Variants in AGAP1 observed in about 807,000 individuals in gnomAD.
AGAP1 encodes the protein ArfGAP with GTPase domain, ankyrin repeat and PH domain 1.
Under a neutral mutation model 105.3 loss-of-function variants are expected in AGAP1, and 29 were observed. The observed-to-expected ratio is 0.28, with a 90% CI of 0.21 to 0.38. AGAP1 has a LOEUF of 0.38. Ranked by LOEUF, AGAP1 falls within the 10% of genes least tolerant of loss-of-function variation. AGAP1 has a pLI of 1.00. For synonymous variants in AGAP1, 509 were observed against 485.9 expected (o/e 1.05, Z -0.63); for missense variants, 998 against 1,165.1 (o/e 0.86, Z 2.09).
chr2:235,740,694 A>T lies in AGAP1; in HGVS notation c.311-269A>T, dbSNP rs1355039213. On this transcript the variant is annotated intron_variant, in intron 3 of 17. Transcript: ENST00000304032. This position sits in a 1 kb window ranked among gnomAD's most constrained non-coding sequence, Gnocchi z 5.7. ...TGAATTTACATAGAAAGCCCACATGAGAAGTCCACACTAATTGGCCACGAG... is the reference window on the plus strand; with the variant it reads ...TGAATTTACATAGAAAGCCCACATGTGAAGTCCACACTAATTGGCCACGAG... Among the ~76,000 whole-genome samples, 1 of 152,266 alleles carries T rather than the reference A, an allele frequency of 6.6e-6. No homozygotes were observed. The highest frequency in any genetic ancestry group is 1.5e-5 in the Non-Finnish European group (1 of 68,054).
chr2:236,059,429 A>AGCTGCC (rs147061209), intron 16 of AGAP1, among the ~76,000 whole-genome samples: 2,154 of 152,314 alleles, frequency 0.014, 54 homozygotes, highest in African/African-American at 0.048. Context: ...TCAGAATCTC[A>AGCTGCC]GCTGCCTGTT....
At chr2:235,717,486 C>A in intron 2 of AGAP1, 71 bp from the exon 3 acceptor site, 1 of 1,321,012 alleles carries the variant, frequency 7.6e-7, no homozygotes, top group Non-Finnish European at 1.0e-6. Flanking sequence ...TCTATTTTAG[C>A]CTCTTAGTAT....
intron 1 of AGAP1, among the ~76,000 whole-genome samples, chr2:235,567,770 G>C: frequency 6.6e-6 from 1 of 151,818 alleles, no homozygotes; most frequent in Non-Finnish European, 1.5e-5. Flanking sequence ...ATTGTCCACT[G>C]TGGGGGGCGG....
At chr2:235,640,556 C>T (rs1947156148) in intron 1 of AGAP1, among the ~76,000 whole-genome samples, 1 of 152,202 alleles carries the variant, frequency 6.6e-6, no homozygotes, top group African/African-American at 2.4e-5. Flanking sequence ...TGGTTGTTTA[C>T]TGACTGTTCT....
In AGAP1 at chr2:235,931,145, G is replaced by GCTCTAA. The variant is rs2052702015; in HGVS notation, c.1483+222_1483+223insCTCTAA. Among the ~76,000 whole-genome samples the GCTCTAA allele has an allele frequency of 6.6e-6, 1 of 152,190 alleles. No homozygotes were observed. The highest frequency in any genetic ancestry group is 1.5e-5 in the Non-Finnish European group (1 of 68,036). ...ATCTCATCTGTTCCTCTTTGGCACAGGGAGGAGGTAGTCATCCCATTTGGT... is the reference window on the plus strand; with the variant it reads ...ATCTCATCTGTTCCTCTTTGGCACAGCTCTAAGGAGGAGGTAGTCATCCCATTTGGT... On this transcript the variant is annotated intron_variant, in intron 12 of 17. Transcript: ENST00000304032. The surrounding 1 kb of genome is among the most constrained non-coding windows in gnomAD (Gnocchi z 5.6).
chr2:235,890,675 C>T (rs181624759), intron 10 of AGAP1, among the ~76,000 whole-genome samples: 2 of 152,304 alleles, frequency 1.3e-5, no homozygotes, highest in African/African-American at 4.8e-5. Context: ...GCTCAGGCTA[C>T]ATCCGTTCTA....
intron 1 of AGAP1, among the ~76,000 whole-genome samples, chr2:235,653,321 T>G (rs10929143): frequency 0.9 from 136,435 of 151,860 alleles, 61,557 homozygotes; most frequent in East Asian, 1. Context: ...AAAATTAGCC[T>G]GGTGTGGTGG....
intron 13 of AGAP1, among the ~76,000 whole-genome samples, chr2:235,995,662 C>T (rs747256098): frequency 2.0e-5 from 3 of 152,168 alleles, no homozygotes; most frequent in Non-Finnish European, 4.4e-5. Context: ...ACTGCGGGTC[C>T]GATTCTGCCA....
At chr2:235,803,030 T>G (rs1297047758) in intron 8 of AGAP1, among the ~76,000 whole-genome samples, 2 of 59,466 alleles carry the variant, frequency 3.4e-5, no homozygotes, top group African/African-American at 6.5e-5. Context: ...TGGTGATGGT[T>G]GTGATGGTGA....
In AGAP1 at chr2:235,962,111, G is replaced by A. The variant is rs1426268878; in HGVS notation, c.1484-6351G>A. On this transcript the variant is annotated intron_variant, in intron 12 of 17. Transcript: ENST00000304032. The surrounding 1 kb of genome is among the most constrained non-coding windows in gnomAD (Gnocchi z 5.3). Reference sequence around the variant, plus strand: ...CAGTGAAGTGAAAAGTGAGGTCATCGTGAGGATGGTGTGGGGCGTGGGGTG... The same window carrying A: ...CAGTGAAGTGAAAAGTGAGGTCATCATGAGGATGGTGTGGGGCGTGGGGTG... Among the ~76,000 whole-genome samples the A allele has an allele frequency of 2.0e-5, 3 of 152,170 alleles. No homozygotes were observed. The highest frequency in any genetic ancestry group is 2.9e-5 in the Non-Finnish European group (2 of 68,032).
intron 11 of AGAP1, among the ~76,000 whole-genome samples, chr2:235,929,518 G>A (rs2052617361): frequency 6.6e-6 from 1 of 151,802 alleles, no homozygotes; most frequent in Non-Finnish European, 1.5e-5. Flanking sequence ...TTTTTTTAAG[G>A]CAGAACTCTA....
intron 9 of AGAP1, among the ~76,000 whole-genome samples, chr2:235,838,510 A>G (rs1246578093): frequency 3.9e-5 from 6 of 152,204 alleles, no homozygotes; most frequent in African/African-American, 9.6e-5. Flanking sequence ...TTGCTCCAAA[A>G]TATTATGATG....
At position 235,732,357 on chromosome 2, in the gene AGAP1, A is replaced by G. The variant is rs775343189; in HGVS notation, c.311-8606A>G. On this transcript the variant is annotated intron_variant, in intron 3 of 17. Transcript: ENST00000304032. This position sits in a 1 kb window ranked among gnomAD's most constrained non-coding sequence, Gnocchi z 4.8. ...GTCTCTTCTGCTCCTTACTTTTTCT[A>G]ATTTTATTCATCAGTTCCCCAAATG... is the stretch of plus-strand genomic sequence containing the variant. Among the ~76,000 whole-genome samples, 2 of 151,994 alleles carry G rather than the reference A, an allele frequency of 1.3e-5. No individual in the cohort carries two copies. The highest frequency in any genetic ancestry group is 3.9e-4 in the East Asian group (2 of 5,184).
chr2:235,603,170 C>T (rs58083518), intron 1 of AGAP1, among the ~76,000 whole-genome samples: 1 of 152,138 alleles, frequency 6.6e-6, no homozygotes, highest in Non-Finnish European at 1.5e-5. Flanking sequence ...AATAAGCCTC[C>T]TGAGAGCTGG....
chr2:235,547,662 T>A (rs1943670876), intron 1 of AGAP1, among the ~76,000 whole-genome samples: 1 of 152,200 alleles, frequency 6.6e-6, no homozygotes, highest in South Asian at 2.1e-4. Flanking sequence ...CTCAACTAAT[T>A]TTTGTATTTT....
chr2:235,540,228 G>A (rs1943391684), intron 1 of AGAP1, among the ~76,000 whole-genome samples: 1 of 143,926 alleles, frequency 6.9e-6, no homozygotes, highest in Non-Finnish European at 1.5e-5. Context: ...TCAGCTCACT[G>A]CAACCTCTGC....
intron 1 of AGAP1, among the ~76,000 whole-genome samples, chr2:235,532,143 C>G (rs889438728): frequency 6.6e-6 from 1 of 152,174 alleles, no homozygotes; most frequent in African/African-American, 2.4e-5. Flanking sequence ...AAGAAGAAAA[C>G]AGTTGCCTAT....
rs1357405950 is a variant in AGAP1, at chr2:235,535,550, G to C, written c.163+40701G>C. On this transcript the variant is annotated intron_variant, in intron 1 of 17. Transcript: ENST00000304032. The surrounding 1 kb of genome is among the most constrained non-coding windows in gnomAD (Gnocchi z 5.1). ...GTCCTCTTTATCCTCCCCTCTCTCT[G>C]TTCTGCGCGGCAGGTAGCAAGGAAC... is the stretch of plus-strand genomic sequence containing the variant. Among the ~76,000 whole-genome samples, 8 of 151,328 alleles carry C rather than the reference G, an allele frequency of 5.3e-5. No individual in the cohort carries two copies. The highest frequency in any genetic ancestry group is 1.0e-4 in the Non-Finnish European group (7 of 67,912).
chr2:235,679,522 T>C (rs77847708), intron 1 of AGAP1, among the ~76,000 whole-genome samples: 7,478 of 152,294 alleles, frequency 0.049, 581 homozygotes, highest in African/African-American at 0.17. Context: ...AAATTATAAA[T>C]GGGGAGAATA....
Sources: gnomAD v4.1 joint callset for allele counts (sites outside exome capture counted in the v4.1 genomes callset) on GRCh38, gnomAD v4.1.1 for gene constraint, Gnocchi (gnomAD v3.1) non-coding constraint, MANE v1.5 for transcripts, NCBI Gene and HGNC (gene_info 2026-07-23, HGNC 2026-07-21) for gene names.